SHISA9: variants seen among roughly 807,000 people sequenced by gnomAD.
SHISA9 encodes the protein protein shisa-9.
In SHISA9, 13 loss-of-function variants were observed where a neutral mutation model predicts 38.0. The observed-to-expected ratio is 0.34, with a 90% CI of 0.22 to 0.54. The LOEUF is 0.54. Ranked by LOEUF, SHISA9 falls within the 20% of genes least tolerant of loss-of-function variation. SHISA9 has a pLI of 0.91. For synonymous variants in SHISA9, 275 were observed against 242.0 expected (o/e 1.14, Z -1.27); for missense variants, 538 against 575.8 (o/e 0.93, Z 0.67).
At chr16:13,314,398 T>C in the SHISA9 span, among the ~76,000 whole-genome samples, 5 of 151,608 alleles carry the variant, frequency 3.3e-5, no homozygotes, top group African/African-American at 1.2e-4. Flanking sequence ...TTACTATTAG[T>C]AGTAGTAGTA....
At chr16:12,991,039 A>C (rs971258809) in intron 2 of SHISA9, among the ~76,000 whole-genome samples, 2 of 152,198 alleles carry the variant, frequency 1.3e-5, no homozygotes, top group African/African-American at 4.8e-5. Flanking sequence ...TAGCATGAAA[A>C]ATTATTATAA....
chr16:13,135,171 A>G (rs1218802893), intron 2 of SHISA9, among the ~76,000 whole-genome samples: 2 of 152,228 alleles, frequency 1.3e-5, no homozygotes, highest in Admixed American at 6.5e-5. Context: ...TTTGAACAAC[A>G]ACAGAATCTA....
At chr16:13,166,509 C>G (rs897070241) in intron 2 of SHISA9, among the ~76,000 whole-genome samples, 4 of 152,224 alleles carry the variant, frequency 2.6e-5, no homozygotes, top group African/African-American at 7.2e-5. Context: ...TCTCTATTCC[C>G]TCTGCACCCT....
chr16:13,208,596 G>T (rs1281171860), intron 3 of SHISA9, among the ~76,000 whole-genome samples: 3 of 152,020 alleles, frequency 2.0e-5, no homozygotes, highest in African/African-American at 7.2e-5. Context: ...TACATGGCAT[G>T]TAACTGCAGA....
chr16:13,210,015 G>A (rs2051102672), intron 3 of SHISA9, among the ~76,000 whole-genome samples: 1 of 152,118 alleles, frequency 6.6e-6, no homozygotes, highest in Non-Finnish European at 1.5e-5. Context: ...GCAGGAGAAT[G>A]GCGTGAACCC....
At chr16:13,335,219 T>G in the SHISA9 span, among the ~76,000 whole-genome samples, 3 of 152,190 alleles carry the variant, frequency 2.0e-5, no homozygotes, top group African/African-American at 7.2e-5. Context: ...TTTCTCTGGA[T>G]GTGTCCCATA....
intron 4 of SHISA9, among the ~76,000 whole-genome samples, chr16:13,233,889 G>A (rs556631080): frequency 6.6e-6 from 1 of 152,214 alleles, no homozygotes; most frequent in South Asian, 2.1e-4. Context: ...GGTGATGCTT[G>A]CCTGTGGTCC....
Position 13,132,124 on chromosome 16 carries a change from T to C in SHISA9, c.692-71270T>C, listed in dbSNP as rs191778437. On this transcript the variant is annotated intron_variant, in intron 2 of 4. Transcript: ENST00000558583. Reference sequence around the variant, plus strand: ...AACAGAAACCCTCCCTGATTTCCAATAGGCCAGAGTGGTAAAGAATACAGA... The same window carrying C: ...AACAGAAACCCTCCCTGATTTCCAACAGGCCAGAGTGGTAAAGAATACAGA... 1.4e-4 allele frequency among the ~76,000 whole-genome samples: 21 copies of C among 152,246 alleles called. No homozygotes were observed. In the East Asian group the frequency reaches 3.7e-3, roughly 27 times the overall value.
chr16:13,001,365 A>G (rs1210519451), intron 2 of SHISA9, among the ~76,000 whole-genome samples: 2 of 151,960 alleles, frequency 1.3e-5, no homozygotes, highest in South Asian at 2.1e-4. Flanking sequence ...CTGAGATTCC[A>G]CTGACTAAGG....
rs1293888580 is a variant in SHISA9 at position 13,239,677 on chromosome 16, G to A, written c.*4268G>A. 1 of 152,048 alleles carries A rather than the reference G, an allele frequency of 6.6e-6. No individual in the cohort carries two copies. The highest frequency in any genetic ancestry group is 1.5e-5 in the Non-Finnish European group (1 of 68,028). The allele number at this position is 152,048 out of a possible 1,614,324, so 9.4% of individuals were successfully genotyped here. A position where few individuals can be genotyped will look rare whatever the true frequency, so the allele number is the denominator to read the frequency against. On this transcript the variant is annotated 3_prime_UTR_variant, in exon 5 of 5. Coordinates refer to ENST00000558583, the MANE Select transcript of SHISA9 (RefSeq NM_001145204.3). ...ATATCCTTCGCCCACTTTTTGATGGGGTTGTTTGTTTTTTTCTTGTAAATT... is the reference window on the plus strand; with the variant it reads ...ATATCCTTCGCCCACTTTTTGATGGAGTTGTTTGTTTTTTTCTTGTAAATT...
At chr16:13,466,841 A>C in the SHISA9 span, among the ~76,000 whole-genome samples, 1 of 152,188 alleles carries the variant, frequency 6.6e-6, no homozygotes, top group African/African-American at 2.4e-5. Context: ...TTGTATCAGC[A>C]CTTAAGCATT....
chr16:12,950,775 T>G (rs1265494589), intron 2 of SHISA9, among the ~76,000 whole-genome samples: 2 of 151,830 alleles, frequency 1.3e-5, no homozygotes, highest in Non-Finnish European at 1.5e-5. Flanking sequence ...GCTAAATTTT[T>G]TTTTTTGTAT....
chr16:13,280,616 T>C, the SHISA9 span, among the ~76,000 whole-genome samples: 1 of 151,858 alleles, frequency 6.6e-6, no homozygotes, highest in African/African-American at 2.4e-5. Flanking sequence ...TATCTTACTG[T>C]TATTTATTTC....
At chr16:13,305,497 TCCTGTCTTCC>T in the SHISA9 span, among the ~76,000 whole-genome samples, 6 of 152,214 alleles carry the variant, frequency 3.9e-5, no homozygotes, top group African/African-American at 9.6e-5. Flanking sequence ...CTGGTTTCTA[TCCTGTCTTCC>T]CCTGTCTCTC....
At chr16:13,521,172 G>A in the SHISA9 span, among the ~76,000 whole-genome samples, 6 of 152,080 alleles carry the variant, frequency 3.9e-5, no homozygotes, top group Non-Finnish European at 7.4e-5. Context: ...ATCATTACTG[G>A]GTGGAAAATT....
chr16:13,453,071 G>A, the SHISA9 span, among the ~76,000 whole-genome samples: 2 of 151,826 alleles, frequency 1.3e-5, no homozygotes. Flanking sequence ...ACCATACCTG[G>A]CTAATTTTTG....
chr16:13,150,478 A>G lies in SHISA9; in HGVS notation c.692-52916A>G, dbSNP rs565172372. Reference sequence around the variant, plus strand: ...GCCCTATTTGTCAGCAGCAAGAGACACAGCAAGTAGCTAAGAAAGAGGGCT... The same window carrying G: ...GCCCTATTTGTCAGCAGCAAGAGACGCAGCAAGTAGCTAAGAAAGAGGGCT... On this transcript the variant is annotated intron_variant, in intron 2 of 4. Coordinates refer to ENST00000558583, the MANE Select transcript of SHISA9 (RefSeq NM_001145204.3). 4.6e-5 allele frequency among the ~76,000 whole-genome samples: 7 copies of G among 152,276 alleles called. No homozygotes were observed. The South Asian group carries it at 1.4e-3, about 32-fold the overall frequency.
intron 2 of SHISA9, among the ~76,000 whole-genome samples, chr16:13,084,105 A>C (rs1471916566): frequency 2.0e-5 from 3 of 152,220 alleles, no homozygotes; most frequent in Non-Finnish European, 2.9e-5. Flanking sequence ...TTCTAAAAAA[A>C]AAGAAAAAAG....
At chr16:13,532,541 C>T in the SHISA9 span, among the ~76,000 whole-genome samples, 3 of 124,108 alleles carry the variant, frequency 2.4e-5, no homozygotes, top group East Asian at 7.0e-4. Flanking sequence ...TGGAATAATA[C>T]TATGTGCGTG....
Sources: gnomAD v4.1 joint callset for allele counts (sites outside exome capture counted in the v4.1 genomes callset) on GRCh38, gnomAD v4.1.1 for gene constraint, MANE v1.5 for transcripts, NCBI Gene and HGNC (gene_info 2026-07-23, HGNC 2026-07-21) for gene names.